CSF2RB: variants seen among roughly 807,000 people sequenced by gnomAD.
The protein encoded by CSF2RB is cytokine receptor common subunit beta.
CSF2RB carries 22 observed loss-of-function variants against 67.2 expected under a neutral mutation model. The ratio of observed to expected loss-of-function variants is 0.33; its 90% confidence interval spans 0.23 to 0.47. The LOEUF is 0.47. Ranked by LOEUF, CSF2RB falls within the 20% of genes least tolerant of loss-of-function variation. The pLI is 1.00. For missense variants in CSF2RB, 1,113 were observed against 1,174.5 expected, an observed-to-expected ratio of 0.95 and a Z score of 0.76; for synonymous variants, 507 against 482.9, an observed-to-expected ratio of 1.05 and a Z score of -0.65.
At chr22:36,923,160 G>A (rs1180084566) in intron 2 of CSF2RB, 84 bp from the exon 3 acceptor site, 50 of 1,606,276 alleles carry the variant, frequency 3.1e-5, no homozygotes, top group Middle Eastern at 1.7e-4. Flanking sequence ...TCCCCAGAGC[G>A]GGACATCCCA....
chr22:36,914,389 A>ATC (rs10534185), intron 1 of CSF2RB, among the ~76,000 whole-genome samples: 206 of 145,864 alleles, frequency 1.4e-3, no homozygotes, highest in Middle Eastern at 3.5e-3. Flanking sequence ...CTATCCAGCA[A>ATC]TCTCTCTCTC....
rs989814532 is a variant in CSF2RB, at chr22:36,939,446, T to C, written c.*944T>C. The C allele has an allele frequency of 3.6e-6, 2 of 560,002 alleles. No individual in the cohort carries two copies. Among genetic ancestry groups the C allele is most frequent in the Admixed American group, 6.0e-5 (2 of 33,338 alleles). The allele number at this position is 560,002 out of a possible 1,614,324, so 34.7% of individuals were successfully genotyped here. ...CACTCTTCCAGATAGACCAGGCAAC[T>C]CTCCCTCCCACCGGCCACAGATGAG... On this transcript the variant is annotated 3_prime_UTR_variant, in exon 14 of 14. Transcript: ENST00000403662.
Position 36,938,036 on chromosome 22 carries a change from G to T in CSF2RB, c.2228G>T (p.Ser743Ile). 1 of 1,614,058 alleles carries T rather than the reference G, an allele frequency of 6.2e-7. No homozygotes were observed. The highest frequency in any genetic ancestry group is 8.5e-7 in the Non-Finnish European group (1 of 1,180,008). The change falls in exon 14 of 14, where the codon AGC (serine) becomes ATC (isoleucine). Residue 743 changes from serine to isoleucine, a missense_variant. This residue lies in a region of CSF2RB where 554 missense variants were observed against 517.9 expected (regional missense o/e 1.07). Coordinates refer to ENST00000403662, the MANE Select transcript of CSF2RB (RefSeq NM_000395.3). ...GGCCTCCCCTCAGACCAGACCCCCA[G>T]CTTATGTCCTGGGCTGGCCAGTGGA... Reference protein sequence around the residue: ...SLGLPSDQTPSLCPGLASGPP... With the variant: ...SLGLPSDQTPILCPGLASGPP...
chr22:36,922,368 C>G, intron 2 of CSF2RB, 85 bp downstream of exon 2: 1 of 1,335,120 alleles, frequency 7.5e-7, no homozygotes, highest in Non-Finnish European at 1.0e-6. Context: ...TCCTCAGGAT[C>G]CTGCCCGCCA....
At chr22:36,929,293 G>A (rs977899700) in intron 4 of CSF2RB, 109 bp from the exon 5 acceptor site, 4 of 1,452,024 alleles carry the variant, frequency 2.8e-6, no homozygotes, top group Non-Finnish European at 3.8e-6. Flanking sequence ...CTCAGCTGCT[G>A]GGGGCAGGGG....
intron 1 of CSF2RB, among the ~76,000 whole-genome samples, chr22:36,914,389 A>ATCTCTCTCTC (rs10534185): frequency 1.4e-5 from 2 of 145,776 alleles, no homozygotes; most frequent in Non-Finnish European, 3.0e-5. Context: ...CTATCCAGCA[A>ATCTCTCTCTC]TCTCTCTCTC....
chr22:36,929,893 C>A, intron 6 of CSF2RB, 86 bp downstream of exon 6: 4 of 1,512,452 alleles, frequency 2.6e-6, no homozygotes, highest in Non-Finnish European at 3.6e-6. Flanking sequence ...TCCTGGGCTC[C>A]ACCTGGGGGC....
intron 1 of CSF2RB, among the ~76,000 whole-genome samples, chr22:36,916,118 C>T (rs1413710803): frequency 1.3e-5 from 2 of 152,046 alleles, no homozygotes; most frequent in Non-Finnish European, 2.9e-5. Flanking sequence ...TTAAGTCAAA[C>T]CTGTCATTAC....
At position 36,923,247 on chromosome 22, in the gene CSF2RB, C is replaced by G. The variant is rs1367356330; in HGVS notation, c.80C>G (p.Thr27Ser). 1.9e-6 allele frequency: 3 copies of G among 1,614,064 alleles called. No individual in the cohort carries two copies. The East Asian group carries it at 6.7e-5, about 36-fold the overall frequency. ...WERSLAGAEETIPLQTLRCYN... is the reference protein window; with the variant it reads ...WERSLAGAEESIPLQTLRCYN... The stretch of plus-strand genomic sequence containing the variant: ...CCCCTTCTACCCCTCTTGTCAGAAA[C>G]CATCCCGCTGCAGACCCTGCGCTGC... Residue 27 changes from threonine to serine, a missense_variant, in exon 3 of 14, where the codon ACC (threonine) becomes AGC (serine). Physicochemically the swap from Thr to Ser is moderately conservative, Grantham distance 58 (BLOSUM62 1). This residue lies in a region of CSF2RB where 559 missense variants were observed against 656.5 expected (regional missense o/e 0.85). Coordinates refer to ENST00000403662, the MANE Select transcript of CSF2RB (RefSeq NM_000395.3).
At position 36,937,792 on chromosome 22, in the gene CSF2RB, G is replaced by A. The variant is rs1363327308; in HGVS notation, c.1984G>A (p.Ala662Thr). The change falls in exon 14 of 14, where the codon GCT becomes ACT. Residue 662 changes from alanine (A) to threonine (T), a missense_variant. This residue lies in a region of CSF2RB where 554 missense variants were observed against 517.9 expected (regional missense o/e 1.07). Coordinates refer to ENST00000403662, the MANE Select transcript of CSF2RB (RefSeq NM_000395.3). The surrounding 1 kb of genome is among the most constrained non-coding windows in gnomAD (Gnocchi z 4.6). ...AGTGGAGAGAAGGCCGAGCCAGGGG[G>A]CTGCAGGGAGTCCCTCCCTGGAGTC... is the stretch of plus-strand genomic sequence containing the variant. ...VEVERRPSQG[A>T]AGSPSLESGG... The A allele has an allele frequency of 1.9e-6, 3 of 1,590,076 alleles. No individual in the cohort carries two copies. The highest frequency in any genetic ancestry group is 1.3e-5 in the African/African-American group (1 of 74,832).
rs563174080 is a variant in CSF2RB, at chr22:36,931,111, C to G, written c.1012+281C>G. 1.9e-4 allele frequency among the ~76,000 whole-genome samples: 29 copies of G among 152,370 alleles called. 1 individual carries two copies. The highest frequency in any genetic ancestry group is 5.3e-4 in the African/African-American group (22 of 41,580). ...AAATCTCCACTGCTAGCCACACCCT[C>G]CTGGTCCTGTCACCAAAACCTTCCC... On this transcript the variant is annotated intron_variant, in intron 8 of 13. Coordinates refer to ENST00000403662, the MANE Select transcript of CSF2RB (RefSeq NM_000395.3).
chr22:36,935,132 T>G lies in CSF2RB; in HGVS notation c.1316-219T>G, dbSNP rs865782989. On this transcript the variant is annotated intron_variant, in intron 10 of 13. Coordinates refer to ENST00000403662, the MANE Select transcript of CSF2RB (RefSeq NM_000395.3). Reference sequence around the variant, plus strand: ...TCCTGGAAAGGATCTGACCCTCCTGTGTCCTCCCAGCACTTTGAACACTGT... The same window carrying G: ...TCCTGGAAAGGATCTGACCCTCCTGGGTCCTCCCAGCACTTTGAACACTGT... Among the ~76,000 whole-genome samples the G allele has an allele frequency of 7.2e-5, 11 of 152,138 alleles. 1 individual carries two copies. The highest frequency in any genetic ancestry group is 6.2e-4 in the South Asian group (3 of 4,830).
intron 4 of CSF2RB, 83 bp from the exon 5 acceptor site, chr22:36,929,317 CCT>C (rs1941094516): frequency 1.3e-6 from 2 of 1,591,550 alleles, no homozygotes; most frequent in East Asian, 4.5e-5. Context: ...CCTGGAACCC[CCT>C]GTGTCCACAC....
At chr22:36,921,705 G>A (rs1031517781) in intron 1 of CSF2RB, among the ~76,000 whole-genome samples, 28 of 152,176 alleles carry the variant, frequency 1.8e-4, no homozygotes, top group Non-Finnish European at 3.7e-4. Flanking sequence ...GAGGACATGT[G>A]TGTGTACATG....
At chr22:36,915,583 G>A (rs200866907) in intron 1 of CSF2RB, among the ~76,000 whole-genome samples, 2 of 151,934 alleles carry the variant, frequency 1.3e-5, no homozygotes, top group African/African-American at 2.4e-5. Context: ...CTAATCTCAC[G>A]TTGATCGACA....
In CSF2RB at chr22:36,922,225, G is replaced by A. The variant is rs1308777393; in HGVS notation, c.18G>A (p.Gly6=). The A allele has an allele frequency of 1.3e-6, 2 of 1,590,502 alleles. No homozygotes were observed. Among genetic ancestry groups the A allele is most frequent in the Non-Finnish European group, 1.7e-6 (2 of 1,169,292 alleles). Residue 6 remains glycine, a synonymous_variant, in exon 2 of 14, where the codon GGG becomes GGA. Coordinates refer to ENST00000403662, the MANE Select transcript of CSF2RB (RefSeq NM_000395.3). ...CCAGGGAGATGGTGCTGGCCCAGGG[G>A]CTGCTCTCCATGGCCCTGCTGGCCC... is the stretch of plus-strand genomic sequence containing the variant. MVLAQ[G]LLSMALLALC...
Position 36,939,019 on chromosome 22 carries a change from C to T in CSF2RB, c.*517C>T, listed in dbSNP as rs1357276670. 5 of 637,446 alleles carry T rather than the reference C, an allele frequency of 7.8e-6. No homozygotes were observed. Among genetic ancestry groups the T allele is most frequent in the South Asian group, 1.7e-5 (1 of 58,086 alleles). 39.5% of individuals were successfully genotyped at this position (637,446 alleles called of 1,614,324 possible). ...AGGTGGGAGGCACCAGGTGGGCACC[C>T]GTGGGGGTTAGGGCTTGGAAGAGTG... On this transcript the variant is annotated 3_prime_UTR_variant, in exon 14 of 14. Transcript: ENST00000403662.
chr22:36,927,103 C>A (rs1402693928), intron 4 of CSF2RB, among the ~76,000 whole-genome samples: 1 of 152,234 alleles, frequency 6.6e-6, no homozygotes, highest in Non-Finnish European at 1.5e-5. Context: ...ACCACCGAAC[C>A]ACCTGGTGCT....
intron 9 of CSF2RB, 77 bp from the exon 10 acceptor site, chr22:36,933,755 G>A (rs1007168558): frequency 9.3e-5 from 142 of 1,532,360 alleles, no homozygotes; most frequent in East Asian, 1.2e-4. Context: ...CAGCGAAGCC[G>A]AGGGTCCAGG....
Sources: gnomAD v4.1 joint callset for allele counts (sites outside exome capture counted in the v4.1 genomes callset) on GRCh38, gnomAD v4.1.1 for gene constraint, gnomAD v4.1.1 regional missense constraint, Gnocchi (gnomAD v3.1) non-coding constraint, MANE v1.5 for transcripts, NCBI Gene and HGNC (gene_info 2026-07-23, HGNC 2026-07-21) for gene names.